Variants in GLIS3 observed in about 807,000 individuals in gnomAD.
GLIS3 encodes GLIS family zinc finger 3.
A neutral mutation model predicts 78.6 loss-of-function variants in GLIS3; 53 were observed. That is an observed-to-expected ratio of 0.67 (90% CI 0.54 to 0.85). GLIS3 has a LOEUF of 0.85. Ranked by LOEUF, GLIS3 falls within the 40% of genes least tolerant of loss-of-function variation. The pLI is 0.00. For missense variants in GLIS3, 1,703 were observed against 1,231.1 expected, an observed-to-expected ratio of 1.38 and a Z score of -5.74; for synonymous variants, 684 against 509.9, an observed-to-expected ratio of 1.34 and a Z score of -4.60.
At chr9:4,068,278 G>A (rs10814828) in intron 4 of GLIS3, among the ~76,000 whole-genome samples, 38,479 of 151,838 alleles carry the variant, frequency 0.25, 5,272 homozygotes, top group Middle Eastern at 0.39. Context: ...AAACTTCAGC[G>A]CAAGAAAGTT....
At chr9:4,061,114 G>A (rs185510503) in intron 4 of GLIS3, among the ~76,000 whole-genome samples, 2,093 of 151,512 alleles carry the variant, frequency 0.014, 18 homozygotes, top group African/African-American at 0.029. Context: ...TGTGCACAAC[G>A]TGCAGGTTTG....
intron 2 of GLIS3, among the ~76,000 whole-genome samples, chr9:4,281,796 T>C (rs757499993): frequency 3.9e-5 from 6 of 152,198 alleles, no homozygotes; most frequent in East Asian, 1.9e-4. Context: ...AAAAGGAACA[T>C]AGTGCAACTT....
chr9:4,219,496 G>A (rs1821134292), intron 2 of GLIS3, among the ~76,000 whole-genome samples: 1 of 152,170 alleles, frequency 6.6e-6, no homozygotes. Flanking sequence ...AAAGGGTTAA[G>A]AAGCACTCTA....
the GLIS3 span, among the ~76,000 whole-genome samples, chr9:4,415,814 A>G: frequency 6.6e-6 from 1 of 151,862 alleles, no homozygotes; most frequent in Non-Finnish European, 1.5e-5. Flanking sequence ...TTTTTTATTA[A>G]TTAGGTTTTA....
At chr9:3,955,071 G>A (rs1029258777) in intron 4 of GLIS3, among the ~76,000 whole-genome samples, 1 of 152,208 alleles carries the variant, frequency 6.6e-6, no homozygotes, top group Non-Finnish European at 1.5e-5. Flanking sequence ...AAGGGGACAG[G>A]CTGGGGAGAG....
intron 2 of GLIS3, among the ~76,000 whole-genome samples, chr9:4,230,512 G>T (rs1373169911): frequency 6.6e-6 from 1 of 152,116 alleles, no homozygotes; most frequent in African/African-American, 2.4e-5. Context: ...CCTATTATTT[G>T]GGGCCCCAGG....
the GLIS3 span, among the ~76,000 whole-genome samples, chr9:4,409,347 G>C: frequency 6.6e-6 from 1 of 152,124 alleles, no homozygotes; most frequent in Admixed American, 6.5e-5. Flanking sequence ...TGAGGGAAAT[G>C]GGACGTCAGA....
At chr9:4,093,236 C>T (rs1024135720) in intron 4 of GLIS3, among the ~76,000 whole-genome samples, 1 of 150,574 alleles carries the variant, frequency 6.6e-6, no homozygotes, top group African/African-American at 2.5e-5. Flanking sequence ...AGTCCACGCT[C>T]TTAATCACTA....
chr9:3,843,412 T>C, intron 9 of GLIS3, among the ~76,000 whole-genome samples: 1 of 152,142 alleles, frequency 6.6e-6, no homozygotes, highest in South Asian at 2.1e-4. Context: ...AAGATTACAT[T>C]TGGGCTTGAA....
At chr9:4,466,357 G>T in the GLIS3 span, among the ~76,000 whole-genome samples, 1 of 152,130 alleles carries the variant, frequency 6.6e-6, no homozygotes. Context: ...CTTCACTGAT[G>T]AATTCTACCC....
At chr9:4,441,335 C>T in the GLIS3 span, among the ~76,000 whole-genome samples, 119 of 152,212 alleles carry the variant, frequency 7.8e-4, no homozygotes, top group African/African-American at 2.7e-3. Flanking sequence ...CCTTCTATAC[C>T]TAATTTATTG....
chr9:4,311,849 G>A (rs909585883), intron 2 of GLIS3, among the ~76,000 whole-genome samples: 1 of 152,186 alleles, frequency 6.6e-6, no homozygotes, highest in African/African-American at 2.4e-5. Flanking sequence ...CATTTTTAGA[G>A]TAAGCCCATT....
chr9:3,831,037 A>G (rs1201497866), intron 9 of GLIS3, among the ~76,000 whole-genome samples: 1 of 152,190 alleles, frequency 6.6e-6, no homozygotes, highest in Non-Finnish European at 1.5e-5. Context: ...CTAGGAGTCT[A>G]TCATCCAAGA....
At chr9:4,337,216 G>C (rs750220174) in intron 2 of GLIS3, among the ~76,000 whole-genome samples, 9 of 152,170 alleles carry the variant, frequency 5.9e-5, no homozygotes, top group African/African-American at 1.2e-4. Context: ...CTGGGACACA[G>C]TCCTGAGGAA....
intron 2 of GLIS3, among the ~76,000 whole-genome samples, chr9:4,247,605 T>C (rs1396067339): frequency 6.6e-6 from 1 of 152,146 alleles, no homozygotes; most frequent in Non-Finnish European, 1.5e-5. Flanking sequence ...GAATGCTTAC[T>C]ATCACCATTA....
intron 2 of GLIS3, among the ~76,000 whole-genome samples, chr9:4,345,057 G>T (rs1260246119): frequency 6.6e-6 from 1 of 152,162 alleles, no homozygotes; most frequent in Non-Finnish European, 1.5e-5. Flanking sequence ...CCACGAAAAT[G>T]ATTCCTTTAA....
chr9:4,396,515 G>A, the GLIS3 span, among the ~76,000 whole-genome samples: 2 of 152,092 alleles, frequency 1.3e-5, no homozygotes, highest in African/African-American at 4.8e-5. Flanking sequence ...TGTAACTCTG[G>A]ACTGATTACT....
rs1340858170 is a variant in GLIS3, at chr9:4,286,198, C to G, written c.228G>C (p.Glu76Asp). 1 of 1,614,236 alleles carries G rather than the reference C, an allele frequency of 6.2e-7. No homozygotes were observed. The highest frequency in any genetic ancestry group is 8.5e-7 in the Non-Finnish European group (1 of 1,180,044). ...TTAAGGCAGGCAGATGGATGCGGCT[C>G]TCAGCCACGTTGTTCTGAGGAGCCA... ...GGMAPQNNVA[E>D]SRIHLPALSP... is the part of the protein sequence containing the mutation. The change falls in exon 2 of 11, where the codon GAG becomes GAC. Residue 76 changes from glutamate to aspartate, a missense_variant. Transcript: ENST00000381971.
At chr9:4,339,708 T>C (rs556983171) in intron 2 of GLIS3, among the ~76,000 whole-genome samples, 1 of 121,864 alleles carries the variant, frequency 8.2e-6, no homozygotes, top group Non-Finnish European at 1.7e-5. Context: ...CAGATAACAA[T>C]GCAATGATGG....
Sources: gnomAD v4.1 joint callset for allele counts (sites outside exome capture counted in the v4.1 genomes callset) on GRCh38, gnomAD v4.1.1 for gene constraint, MANE v1.5 for transcripts, NCBI Gene and HGNC (gene_info 2026-07-23, HGNC 2026-07-21) for gene names.